The following GRB14 variants were observed in gnomAD, a reference collection of about 807,000 sequenced individuals.
GRB14 encodes growth factor receptor-bound protein 14.
In GRB14, 38 loss-of-function variants were observed where a neutral mutation model predicts 69.1. The ratio of observed to expected loss-of-function variants is 0.55; its 90% CI spans 0.42 to 0.72. The LOEUF (loss-of-function observed/expected upper bound fraction) is 0.72, where lower values mean the gene tolerates loss of function less well. Ranked by LOEUF, GRB14 falls within the 30% of genes least tolerant of loss-of-function variation. The pLI is 0.00. For missense variants in GRB14, 666 were observed against 666.1 expected, an observed-to-expected ratio of 1.00 and a Z score of 0.00; for synonymous variants, 247 against 241.3, an observed-to-expected ratio of 1.02 and a Z score of -0.22.
At chr2:164,531,353 A>G (rs1271603100) in intron 3 of GRB14, among the ~76,000 whole-genome samples, 1 of 152,226 alleles carries the variant, frequency 6.6e-6, no homozygotes, top group Admixed American at 6.5e-5. Context: ...ATTCTTTGCA[A>G]CTGCAGTGGG....
At chr2:164,570,298 A>T (rs1043200908) in intron 2 of GRB14, among the ~76,000 whole-genome samples, 4 of 151,380 alleles carry the variant, frequency 2.6e-5, no homozygotes, top group African/African-American at 4.9e-5. Flanking sequence ...AAAAAAAAAA[A>T]AAGTGTTATC....
chr2:164,551,620 T>C (rs756711717), intron 2 of GRB14, among the ~76,000 whole-genome samples: 12 of 152,156 alleles, frequency 7.9e-5, no homozygotes, highest in Non-Finnish European at 1.8e-4. Flanking sequence ...GCACGTGTGA[T>C]TCCTTCTACC....
At chr2:164,557,725 C>T (rs958649475) in intron 2 of GRB14, among the ~76,000 whole-genome samples, 1 of 152,064 alleles carries the variant, frequency 6.6e-6, no homozygotes, top group African/African-American at 2.4e-5. Flanking sequence ...TCATTAAGGT[C>T]GCAAGATGGA....
intron 2 of GRB14, among the ~76,000 whole-genome samples, chr2:164,555,094 T>C (rs2105317139): frequency 6.6e-6 from 1 of 152,348 alleles, no homozygotes; most frequent in East Asian, 1.9e-4. Flanking sequence ...CCTGAAATTC[T>C]AAGAACATAT....
chr2:164,496,879 T>C (rs779019479), intron 12 of GRB14, 129 bp downstream of exon 12: 40 of 696,168 alleles, frequency 5.7e-5, no homozygotes, highest in Non-Finnish European at 1.0e-4. Context: ...ACCTCATTTA[T>C]AGAACAATGT....
At chr2:164,612,316 T>C (rs1690186719) in intron 2 of GRB14, among the ~76,000 whole-genome samples, 1 of 152,242 alleles carries the variant, frequency 6.6e-6, no homozygotes, top group Non-Finnish European at 1.5e-5. Context: ...CAAGCATTTG[T>C]AAGCTGGTTA....
intron 3 of GRB14, among the ~76,000 whole-genome samples, chr2:164,528,532 C>T (rs1367338268): frequency 6.6e-6 from 1 of 151,946 alleles, no homozygotes; most frequent in African/African-American, 2.4e-5. Flanking sequence ...TTTATTCATC[C>T]AAAAAAGAAG....
At chr2:164,594,848 G>A (rs1001351095) in intron 2 of GRB14, among the ~76,000 whole-genome samples, 1 of 152,154 alleles carries the variant, frequency 6.6e-6, no homozygotes, top group Non-Finnish European at 1.5e-5. Flanking sequence ...ATTTCAAGAA[G>A]AGGCAAAGAA....
Position 164,619,707 on chromosome 2 carries a change from C to T in GRB14, c.304G>A (p.Ala102Thr), listed in dbSNP as rs770240636. ...SVLSADLFPK[A>T]NSRKKQVIKV... ...CATACCTGTTTTTTCCTTGAATTTGCTTTGGGAAATAGGTCTGCTGACAAC... is the reference window on the plus strand; with the variant it reads ...CATACCTGTTTTTTCCTTGAATTTGTTTTGGGAAATAGGTCTGCTGACAAC... Residue 102 changes from alanine (A) to threonine (T), a missense_variant, in exon 2 of 14, where the codon GCA becomes ACA. Coordinates refer to ENST00000263915, the MANE Select transcript of GRB14 (RefSeq NM_004490.3). 1.3e-6 allele frequency: 2 copies of T among 1,579,160 alleles called. No homozygotes were observed. Among genetic ancestry groups the T allele is most frequent in the East Asian group, 2.2e-5 (1 of 44,592 alleles).
Position 164,525,016 on chromosome 2 carries a change from T to C in GRB14, c.666A>G (p.Thr222=). The C allele has an allele frequency of 6.3e-7, 1 of 1,577,208 alleles. No individual in the cohort carries two copies. Among genetic ancestry groups the C allele is most frequent in the Non-Finnish European group, 8.7e-7 (1 of 1,154,234 alleles). The change falls in exon 5 of 14, where the codon ACA becomes ACG. Residue 222 remains threonine (T), a synonymous_variant. Coordinates refer to ENST00000263915, the MANE Select transcript of GRB14 (RefSeq NM_004490.3). The part of the protein sequence containing the change: ...ATETNGEISP[T]QILQMFLSSS... ...AAATATATTTTACCTGCAAAATCTG[T>C]GTGGGGGATATTTCACCATTGGTTT...
chr2:164,603,912 T>C (rs2105354490), intron 2 of GRB14, among the ~76,000 whole-genome samples: 1 of 152,272 alleles, frequency 6.6e-6, no homozygotes, highest in Non-Finnish European at 1.5e-5. Flanking sequence ...CAAGTCATTT[T>C]AAAAAATGCA....
chr2:164,599,737 T>C (rs1235737911), intron 2 of GRB14, among the ~76,000 whole-genome samples: 3 of 152,224 alleles, frequency 2.0e-5, no homozygotes, highest in African/African-American at 7.2e-5. Context: ...GTGAATGACA[T>C]ATATCTTCAA....
intron 2 of GRB14, among the ~76,000 whole-genome samples, chr2:164,575,776 C>T (rs1040001082): frequency 6.6e-6 from 1 of 151,984 alleles, no homozygotes; most frequent in Admixed American, 6.5e-5. Flanking sequence ...CATTTATAAT[C>T]ATAACAGAAA....
At chr2:164,587,880 G>A (rs182752613) in intron 2 of GRB14, among the ~76,000 whole-genome samples, 40 of 152,224 alleles carry the variant, frequency 2.6e-4, no homozygotes, top group South Asian at 1.7e-3. Context: ...GTGAAATGGC[G>A]TCACTGTGGT....
chr2:164,584,788 T>C (rs927698610), intron 2 of GRB14, among the ~76,000 whole-genome samples: 1 of 152,182 alleles, frequency 6.6e-6, no homozygotes, highest in Non-Finnish European at 1.5e-5. Flanking sequence ...CTCTTTCTTA[T>C]ATTTATCAAG....
chr2:164,512,978 T>G (rs1177124429), intron 6 of GRB14, among the ~76,000 whole-genome samples: 2 of 152,250 alleles, frequency 1.3e-5, no homozygotes, highest in African/African-American at 4.8e-5. Context: ...TTTTATTTTC[T>G]ATTTCTTAAT....
At chr2:164,552,634 CTG>C (rs1688572553) in intron 2 of GRB14, among the ~76,000 whole-genome samples, 1 of 152,252 alleles carries the variant, frequency 6.6e-6, no homozygotes, top group East Asian at 1.9e-4. Flanking sequence ...TAAAAACACA[CTG>C]TCAAAATCAG....
chr2:164,522,437 G>A (rs140732055), intron 5 of GRB14, among the ~76,000 whole-genome samples: 102 of 152,204 alleles, frequency 6.7e-4, no homozygotes, highest in African/African-American at 2.4e-3. Context: ...CTAAGTGATA[G>A]TACATAGTTA....
chr2:164,493,957 C>T (rs191169133), intron 13 of GRB14, among the ~76,000 whole-genome samples: 34 of 152,034 alleles, frequency 2.2e-4, no homozygotes, highest in Admixed American at 3.9e-4. Flanking sequence ...ACAGAGAAGC[C>T]GAATCACAGA....
Sources: allele counts gnomAD v4.1 joint callset (sites outside exome capture counted in the v4.1 genomes callset), GRCh38; gene constraint gnomAD v4.1.1; transcripts MANE v1.5; gene names NCBI Gene and HGNC (gene_info 2026-07-23, HGNC 2026-07-21).